The following BICDL1 variants were observed in gnomAD, a reference collection of about 807,000 sequenced individuals.
The protein encoded by BICDL1 is BICD family-like cargo adapter 1.
Under a neutral mutation model 76.8 loss-of-function variants are expected in BICDL1, and 20 were observed. The ratio of observed to expected loss-of-function variants is 0.26; its 90% CI spans 0.18 to 0.38. The LOEUF is 0.38. Ranked by LOEUF, BICDL1 falls within the 10% of genes least tolerant of loss-of-function variation. BICDL1 has a pLI of 1.00. For missense variants in BICDL1, 700 were observed against 798.6 expected, an observed-to-expected ratio of 0.88 and a Z score of 1.49; for synonymous variants, 383 against 337.1, an observed-to-expected ratio of 1.14 and a Z score of -1.49.
At chr12:120,056,911 C>T (rs1030810978) in intron 2 of BICDL1, 10 of 325,602 alleles carry the variant, frequency 3.1e-5, no homozygotes, top group Admixed American at 8.5e-5. Flanking sequence ...CCCAGCCGAC[C>T]GCCTGCCCTT....
At chr12:119,998,884 A>C in intron 2 of BICDL1, 148 bp downstream of exon 2, 4 of 707,400 alleles carry the variant, frequency 5.7e-6, no homozygotes, top group Middle Eastern at 4.0e-4. Flanking sequence ...GGGAGACCTC[A>C]TCTCTACAAA....
chr12:119,989,637 CCG>C lies in BICDL1; in HGVS notation c.-224_-223del, dbSNP rs1951469303. 1.3e-5 allele frequency among the ~76,000 whole-genome samples: 2 copies of C among 149,146 alleles called. No individual in the cohort carries two copies. The highest frequency in any genetic ancestry group is 4.9e-5 in the African/African-American group (2 of 41,006). On this transcript the variant is annotated 5_prime_UTR_variant, in exon 1 of 10. Coordinates refer to ENST00000548673, the MANE Select transcript of BICDL1 (RefSeq NM_001367886.1). ...CCGCCACTACCCCCACCCCCTCCTC[CCG>C]CGCGCGCCTGAGCAGCTGAGCCCGG... is the stretch of plus-strand genomic sequence containing the variant.
intron 9 of BICDL1, chr12:120,092,479 G>T: frequency 3.0e-6 from 3 of 985,486 alleles, no homozygotes; most frequent in Non-Finnish European, 3.6e-6. Context: ...GCTGCCGTTG[G>T]TGCCTGGGCA....
chr12:120,091,002 A>AC (rs1874913702), intron 9 of BICDL1: 1 of 1,287,744 alleles, frequency 7.8e-7, no homozygotes, highest in Non-Finnish European at 1.0e-6. Flanking sequence ...TTAGTTGTAC[A>AC]CCCCTCCTGC....
In BICDL1 at chr12:120,073,910, C is replaced by CT. The variant is rs927917390; in HGVS notation, c.1309-525dup. On this transcript the variant is annotated intron_variant, in intron 6 of 9. Transcript: ENST00000548673. ...TTTGCAGGTTGAAATTGAGCAATCTCTTTTTTTTGTTTGTTTTTTGTTTTT... is the reference window on the plus strand; with the variant it reads ...TTTGCAGGTTGAAATTGAGCAATCTCTTTTTTTTTGTTTGTTTTTTGTTTTT... Among the ~76,000 whole-genome samples, 196 of 152,062 alleles carry CT rather than the reference C, an allele frequency of 1.3e-3. 1 individual carries two copies. Among genetic ancestry groups the CT allele is most frequent in the Non-Finnish European group, 7.8e-4 (53 of 67,960 alleles).
chr12:120,082,619 G>C (rs1454263955), intron 8 of BICDL1, among the ~76,000 whole-genome samples: 3 of 151,932 alleles, frequency 2.0e-5, no homozygotes, highest in Non-Finnish European at 2.9e-5. Flanking sequence ...GTCTCTCTTT[G>C]TCACCCAGGC....
rs1873113222 is a variant in BICDL1, at chr12:120,071,663, C to A, written c.951C>A (p.Ser317=). The change falls in exon 5 of 10, where the codon TCC becomes TCA. Residue 317 remains serine, a synonymous_variant. Transcript: ENST00000548673. This position sits in a 1 kb window ranked among gnomAD's most constrained non-coding sequence, Gnocchi z 4.8. The part of the protein sequence containing the change: ...SQLELQEVRL[S]CRQLQVKVEE... Reference sequence around the variant, plus strand: ...TGGAGCTTCAGGAGGTGCGTCTCTCCTGCCGACAGCTGCAGGTGAAGGTGG... The same window carrying A: ...TGGAGCTTCAGGAGGTGCGTCTCTCATGCCGACAGCTGCAGGTGAAGGTGG... 6.2e-7 allele frequency: 1 copy of A among 1,612,294 alleles called. No homozygotes were observed. The highest frequency in any genetic ancestry group is 1.3e-5 in the African/African-American group (1 of 74,860).
At chr12:120,054,407 G>T (rs1952931752) in intron 2 of BICDL1, among the ~76,000 whole-genome samples, 1 of 152,084 alleles carries the variant, frequency 6.6e-6, no homozygotes, top group Non-Finnish European at 1.5e-5. Flanking sequence ...AATCTACCTT[G>T]CTGACACAGT....
At chr12:120,045,796 C>T (rs551507927) in intron 2 of BICDL1, among the ~76,000 whole-genome samples, 104 of 150,364 alleles carry the variant, frequency 6.9e-4, no homozygotes, top group Non-Finnish European at 1.3e-3. Flanking sequence ...GGAGGGATAG[C>T]ATTGGGAGAT....
intron 2 of BICDL1, among the ~76,000 whole-genome samples, chr12:120,026,963 G>GA (rs1473998536): frequency 1.3e-5 from 2 of 150,768 alleles, no homozygotes; most frequent in Admixed American, 1.3e-4. Flanking sequence ...TGGGATCATA[G>GA]AAAGAATATG....
At chr12:120,091,234 C>G (rs1874934252) in intron 9 of BICDL1, 1 of 1,155,814 alleles carries the variant, frequency 8.7e-7, no homozygotes, top group South Asian at 1.8e-5. Context: ...CGGCTGGTGC[C>G]GTCTTCTCAT....
In BICDL1 at chr12:120,051,105, T is replaced by C. The variant is rs1952850147; in HGVS notation, c.646-10605T>C. ...TGGAGTGCCTAGAGCTGGAGTGCAA[T>C]GGCGTGATCCCGGCTCACTGCAACC... On this transcript the variant is annotated intron_variant, in intron 2 of 9. Transcript: ENST00000548673. Among the ~76,000 whole-genome samples, 3 of 150,628 alleles carry C rather than the reference T, an allele frequency of 2.0e-5. No individual in the cohort carries two copies. The South Asian group carries it at 6.3e-4, about 31-fold the overall frequency.
At chr12:120,044,223 A>G (rs968184225) in intron 2 of BICDL1, among the ~76,000 whole-genome samples, 2 of 152,250 alleles carry the variant, frequency 1.3e-5, no homozygotes, top group Non-Finnish European at 2.9e-5. Flanking sequence ...CCCTTCTCCA[A>G]TTCCAAACAA....
At chr12:119,998,146 C>T (rs2138607126) in intron 1 of BICDL1, among the ~76,000 whole-genome samples, 1 of 151,784 alleles carries the variant, frequency 6.6e-6, no homozygotes, top group South Asian at 2.1e-4. Flanking sequence ...GACTCCATCT[C>T]AAAAAAATCA....
rs555811021 is a variant in BICDL1 at position 119,989,916 on chromosome 12, C to T, written c.48C>T (p.Ala16=). 56 of 1,460,202 alleles carry T rather than the reference C, an allele frequency of 3.8e-5. No homozygotes were observed. The highest frequency in any genetic ancestry group is 1.4e-4 in the East Asian group (5 of 34,606). The allele number at this position is 1,460,202 out of a possible 1,614,324, so 90.5% of individuals were successfully genotyped here. ...TGGTCGGCCGCGCTTCAGCACCCGC[C>T]GAGCCGGACAGCGCCTGCTGCATGG... is the stretch of plus-strand genomic sequence containing the variant. ...LGLVGRASAP[A]EPDSACCMEL... The change falls in exon 1 of 10, where the codon GCC becomes GCT. Residue 16 remains alanine, a synonymous_variant. Coordinates refer to ENST00000548673, the MANE Select transcript of BICDL1 (RefSeq NM_001367886.1).
At chr12:120,043,417 A>G (rs1206113683) in intron 2 of BICDL1, among the ~76,000 whole-genome samples, 1 of 152,370 alleles carries the variant, frequency 6.6e-6, no homozygotes, top group East Asian at 1.9e-4. Context: ...TTATAAAAGA[A>G]AAGACTTGAG....
chr12:120,061,117 A>G (rs1953095595), intron 2 of BICDL1, among the ~76,000 whole-genome samples: 1 of 152,214 alleles, frequency 6.6e-6, no homozygotes, highest in African/African-American at 2.4e-5. Flanking sequence ...GCATTAGATC[A>G]TAAATGGATT....
At chr12:120,047,266 A>G (rs1352207138) in intron 2 of BICDL1, among the ~76,000 whole-genome samples, 2 of 152,134 alleles carry the variant, frequency 1.3e-5, no homozygotes, top group Non-Finnish European at 2.9e-5. Flanking sequence ...GACCTTCCTC[A>G]TTCCAGGGGA....
At chr12:120,052,885 C>A (rs1376247412) in intron 2 of BICDL1, among the ~76,000 whole-genome samples, 2 of 152,170 alleles carry the variant, frequency 1.3e-5, no homozygotes, top group Non-Finnish European at 2.9e-5. Context: ...GATTCTCCTG[C>A]CTCAGCCTCC....
Sources: allele counts gnomAD v4.1 joint callset (sites outside exome capture counted in the v4.1 genomes callset), GRCh38; gene constraint gnomAD v4.1.1; non-coding constraint Gnocchi (gnomAD v3.1); transcripts MANE v1.5; gene names NCBI Gene and HGNC (gene_info 2026-07-23, HGNC 2026-07-21).